The following ATP8B4 variants were observed in gnomAD, a reference collection of about 807,000 sequenced individuals.
ATP8B4 encodes ATPase phospholipid transporting 8B4 (putative), also known as probable phospholipid-transporting ATPase IM.
A neutral mutation model predicts 145.6 loss-of-function variants in ATP8B4; 133 were observed. The ratio of observed to expected loss-of-function variants is 0.91; its 90% confidence interval spans 0.79 to 1.05. The LOEUF is 1.05. ATP8B4 is among the 50% of genes least tolerant of loss of function. ATP8B4 has a pLI of 0.00. For missense variants in ATP8B4, 1,458 were observed against 1,425.2 expected (o/e 1.02, Z -0.37); for synonymous variants, 507 against 492.9 (o/e 1.03, Z -0.38).
intron 20 of ATP8B4, among the ~76,000 whole-genome samples, chr15:49,909,155 C>T (rs1300647503): frequency 6.6e-6 from 1 of 152,102 alleles, no homozygotes; most frequent in Non-Finnish European, 1.5e-5. Context: ...CCCCCCACCC[C>T]AGTACTTGAG....
intron 1 of ATP8B4, among the ~76,000 whole-genome samples, chr15:50,170,246 G>A (rs1025598433): frequency 2.2e-4 from 33 of 152,112 alleles, no homozygotes; most frequent in Admixed American, 4.6e-4. Context: ...CAAAGATGAA[G>A]AAAAGAATCC....
chr15:49,968,282 C>A (rs1237549521), intron 13 of ATP8B4, among the ~76,000 whole-genome samples: 1 of 152,140 alleles, frequency 6.6e-6, no homozygotes, highest in Non-Finnish European at 1.5e-5. Flanking sequence ...ACAATATTAA[C>A]CTTAAATGTA....
chr15:49,882,706 A>G (rs1254695749), intron 23 of ATP8B4, among the ~76,000 whole-genome samples: 2 of 151,710 alleles, frequency 1.3e-5, no homozygotes, highest in African/African-American at 4.9e-5. Context: ...ACTCCTAATC[A>G]TATGGTAAAG....
intron 2 of ATP8B4, among the ~76,000 whole-genome samples, chr15:50,077,973 C>G (rs530746332): frequency 1.5e-4 from 23 of 152,184 alleles, no homozygotes; most frequent in African/African-American, 5.3e-4. Flanking sequence ...AGAAAAAGAC[C>G]CTGGCGATGG....
Position 49,968,501 on chromosome 15 carries a change from C to T in ATP8B4, c.1243+4081G>A, listed in dbSNP as rs148764636. ...AGTCTCTGAAAAAACAGACTTTAAA[C>T]CAACAAAGACCAAAAGAGACAAAGA... On this transcript the variant is annotated intron_variant, in intron 13 of 27. Coordinates refer to ENST00000284509, the MANE Select transcript of ATP8B4 (RefSeq NM_024837.4). Among the ~76,000 whole-genome samples the T allele has an allele frequency of 2.8e-3, 431 of 152,140 alleles. 4 individuals are homozygous for T. Among genetic ancestry groups the T allele is most frequent in the African/African-American group, 0.01 (420 of 41,468 alleles).
At chr15:50,072,888 G>A (rs542540237) in intron 3 of ATP8B4, among the ~76,000 whole-genome samples, 3 of 139,214 alleles carry the variant, frequency 2.2e-5, no homozygotes, top group Admixed American at 7.3e-5. Flanking sequence ...CCAAACTAGT[G>A]TTGGGACTAC....
intron 13 of ATP8B4, among the ~76,000 whole-genome samples, chr15:49,971,020 A>G (rs567220929): frequency 4.7e-4 from 71 of 152,224 alleles, no homozygotes; most frequent in Non-Finnish European, 9.3e-4. Flanking sequence ...AGCAATGGAG[A>G]AAGGATTCCC....
intron 10 of ATP8B4, among the ~76,000 whole-genome samples, chr15:49,986,551 T>C (rs557233473): frequency 7.3e-4 from 111 of 152,312 alleles, no homozygotes; most frequent in Non-Finnish European, 1.2e-3. Flanking sequence ...GGGAGAACGT[T>C]TCTAGGTTTG....
intron 6 of ATP8B4, among the ~76,000 whole-genome samples, chr15:50,029,242 A>T (rs1258104018): frequency 6.7e-6 from 1 of 149,012 alleles, no homozygotes; most frequent in Non-Finnish European, 1.5e-5. Context: ...CCATCTTAAA[A>T]AAAAAAAAAA....
At chr15:50,170,777 G>A (rs958716705) in intron 1 of ATP8B4, among the ~76,000 whole-genome samples, 1 of 152,130 alleles carries the variant, frequency 6.6e-6, no homozygotes, top group Non-Finnish European at 1.5e-5. Flanking sequence ...GAATGGATAA[G>A]AACCTACCAA....
At chr15:50,036,494 C>T (rs1406760662) in intron 6 of ATP8B4, among the ~76,000 whole-genome samples, 2 of 152,136 alleles carry the variant, frequency 1.3e-5, no homozygotes, top group African/African-American at 4.8e-5. Context: ...GGGCAGAACC[C>T]CAACAGCATC....
At chr15:50,000,247 T>C (rs1235355789) in intron 8 of ATP8B4, among the ~76,000 whole-genome samples, 1 of 152,166 alleles carries the variant, frequency 6.6e-6, no homozygotes, top group Non-Finnish European at 1.5e-5. Flanking sequence ...GTTAACTGCA[T>C]GTTCAGTTTT....
intron 20 of ATP8B4, among the ~76,000 whole-genome samples, chr15:49,912,836 C>T (rs912698092): frequency 1.3e-5 from 2 of 152,060 alleles, no homozygotes; most frequent in African/African-American, 4.8e-5. Context: ...CTTGTTTTGC[C>T]GTGTTTCCCA....
chr15:49,929,318 T>C (rs756370065), intron 16 of ATP8B4, among the ~76,000 whole-genome samples: 1 of 152,158 alleles, frequency 6.6e-6, no homozygotes, highest in Non-Finnish European at 1.5e-5. Context: ...AAATGGGACA[T>C]GCATGTTACA....
Position 50,050,621 on chromosome 15 carries a change from TA to T in ATP8B4, c.88-3158del, listed in dbSNP as rs971614328. Among the ~76,000 whole-genome samples the T allele has an allele frequency of 1.7e-3, 242 of 146,094 alleles. 1 individual carries two copies. Among genetic ancestry groups the T allele is most frequent in the Admixed American group, 4.5e-3 (65 of 14,576 alleles). On this transcript the variant is annotated intron_variant, in intron 3 of 27. Coordinates refer to ENST00000284509, the MANE Select transcript of ATP8B4 (RefSeq NM_024837.4). ...TCCAAAGCTGTAGACAAATATACAT[TA>T]AAAAAAAAACAGGCTAAATGCACCA...
chr15:50,073,410 T>C (rs2053978840), intron 3 of ATP8B4, among the ~76,000 whole-genome samples: 1 of 152,164 alleles, frequency 6.6e-6, no homozygotes, highest in Admixed American at 6.5e-5. Context: ...GCAAAGGACA[T>C]GAACTCATTC....
chr15:49,987,323 C>A, intron 10 of ATP8B4, 68 bp downstream of exon 10: 1 of 1,536,268 alleles, frequency 6.5e-7, no homozygotes, highest in South Asian at 1.2e-5. Context: ...CACAGAGAAT[C>A]ATAGACTGTG....
intron 10 of ATP8B4, among the ~76,000 whole-genome samples, chr15:49,983,870 CT>C (rs949237640): frequency 6.6e-6 from 1 of 152,216 alleles, no homozygotes; most frequent in African/African-American, 2.4e-5. Flanking sequence ...TTCCTTACTC[CT>C]GCCACAGGGC....
At chr15:49,887,775 C>T (rs920609575) in intron 23 of ATP8B4, among the ~76,000 whole-genome samples, 21 of 152,080 alleles carry the variant, frequency 1.4e-4, no homozygotes, top group African/African-American at 4.8e-4. Flanking sequence ...CCTTATCAAC[C>T]ATTTTACATA....
Sources: allele counts gnomAD v4.1 joint callset (sites outside exome capture counted in the v4.1 genomes callset), GRCh38; gene constraint gnomAD v4.1.1; transcripts MANE v1.5; gene names NCBI Gene and HGNC (gene_info 2026-07-23, HGNC 2026-07-21).